Variants in GABRB1 observed in about 807,000 individuals in gnomAD.
The protein encoded by GABRB1 is gamma-aminobutyric acid receptor subunit beta-1.
Under a neutral mutation model 51.6 loss-of-function variants are expected in GABRB1, and 17 were observed. The observed-to-expected ratio is 0.33, with a 90% CI of 0.23 to 0.49. The LOEUF is 0.49. GABRB1 is among the 20% of genes least tolerant of loss of function. The probability of loss-of-function intolerance (pLI) is 0.99; values close to 1 mark genes in which losing one functional copy is unlikely to be tolerated. For missense variants in GABRB1, 410 were observed against 600.6 expected, an observed-to-expected ratio of 0.68 and a Z score of 3.32; for synonymous variants, 247 against 218.9, an observed-to-expected ratio of 1.13 and a Z score of -1.14.
chr4:47,106,398 CTAA>C (rs913859807), intron 3 of GABRB1, among the ~76,000 whole-genome samples: 3 of 151,796 alleles, frequency 2.0e-5, no homozygotes, highest in Non-Finnish European at 4.4e-5. Flanking sequence ...GCTTATGGAA[CTAA>C]TGTTATTGGA....
intron 4 of GABRB1, among the ~76,000 whole-genome samples, chr4:47,242,003 A>G (rs1263912811): frequency 6.6e-6 from 1 of 152,028 alleles, no homozygotes; most frequent in Admixed American, 6.6e-5. Flanking sequence ...GGTCATTTAC[A>G]TTAGGTATAT....
chr4:47,177,392 A>G (rs1042138572), intron 4 of GABRB1, among the ~76,000 whole-genome samples: 8 of 152,040 alleles, frequency 5.3e-5, no homozygotes, highest in Non-Finnish European at 1.2e-4. Flanking sequence ...CAGAAATATA[A>G]CTCACCTGAA....
chr4:47,131,266 C>A (rs1716401210), intron 3 of GABRB1, among the ~76,000 whole-genome samples: 1 of 152,012 alleles, frequency 6.6e-6, no homozygotes, highest in Non-Finnish European at 1.5e-5. Context: ...TCAAGCGATT[C>A]TCCTGCTTCA....
intron 4 of GABRB1, among the ~76,000 whole-genome samples, chr4:47,214,255 C>T (rs894233328): frequency 5.9e-5 from 9 of 152,156 alleles, no homozygotes; most frequent in African/African-American, 1.4e-4. Context: ...ATGTTTACCA[C>T]GGGTGGTGGG....
At chr4:47,207,517 T>C (rs993987209) in intron 4 of GABRB1, among the ~76,000 whole-genome samples, 1 of 152,078 alleles carries the variant, frequency 6.6e-6, no homozygotes, top group African/African-American at 2.4e-5. Context: ...ACAGTTCTCG[T>C]ACTCTTAACC....
chr4:47,079,020 T>A (rs1727702194), intron 3 of GABRB1, among the ~76,000 whole-genome samples: 1 of 152,212 alleles, frequency 6.6e-6, no homozygotes, highest in Non-Finnish European at 1.5e-5. Context: ...TTGCCAGTAT[T>A]TTCTTGAGGA....
chr4:47,093,808 T>C (rs1714255756), intron 3 of GABRB1, among the ~76,000 whole-genome samples: 1 of 152,328 alleles, frequency 6.6e-6, no homozygotes. Context: ...TCTCTTAAGA[T>C]ACAAGTTGAG....
chr4:47,162,570 G>A (rs1298807243), intron 4 of GABRB1, among the ~76,000 whole-genome samples: 2 of 151,994 alleles, frequency 1.3e-5, no homozygotes, highest in African/African-American at 2.4e-5. Context: ...TACAAAGGAA[G>A]GAAAATATTT....
intron 8 of GABRB1, among the ~76,000 whole-genome samples, chr4:47,422,636 T>G (rs1470678042): frequency 6.6e-6 from 1 of 152,206 alleles, no homozygotes; most frequent in East Asian, 1.9e-4. Flanking sequence ...AGTTTCTCTG[T>G]GTCTCTTTCA....
rs541986748 is a variant in GABRB1, at chr4:47,249,866, G to A, written c.462-70261G>A. ...TGAAGGCAGCAGATAGTAGATTGGT[G>A]AGTTCTTATCCATTCTGTGGTTCTG... On this transcript the variant is annotated intron_variant, in intron 4 of 8. Transcript: ENST00000295454. Among the ~76,000 whole-genome samples the A allele has an allele frequency of 2.6e-5, 4 of 152,260 alleles. No individual in the cohort carries two copies. In the East Asian group the frequency reaches 7.7e-4, roughly 29 times the overall value.
chr4:47,032,462 A>G lies in GABRB1; in HGVS notation c.218A>G (p.Asp73Gly), dbSNP rs1725363429. ...VGMRIDVASI[D>G]MVSEVNMDYT... ...ATGCGGATCGATGTCGCCAGCATAGACATGGTCTCCGAAGTGAATATGGTG... is the reference window on the plus strand; with the variant it reads ...ATGCGGATCGATGTCGCCAGCATAGGCATGGTCTCCGAAGTGAATATGGTG... Residue 73 changes from aspartate (D) to glycine (G), a missense_variant, in exon 3 of 9, where the codon GAC becomes GGC. By Grantham distance (94) the Asp-to-Gly change is moderately conservative. Around this residue, in one of 5 missense-constraint regions of GABRB1, gnomAD observed 100 missense variants for 184.3 expected, o/e 0.54. Transcript: ENST00000295454. 1 of 1,611,962 alleles carries G rather than the reference A, an allele frequency of 6.2e-7. No homozygotes were observed. The highest frequency in any genetic ancestry group is 1.3e-5 in the African/African-American group (1 of 74,906).
chr4:47,054,828 A>G (rs1211263443), intron 3 of GABRB1, among the ~76,000 whole-genome samples: 3 of 152,112 alleles, frequency 2.0e-5, no homozygotes, highest in African/African-American at 7.2e-5. Context: ...CAGGTAATCC[A>G]TCCACCTCAG....
chr4:47,210,286 C>G (rs998636954), intron 4 of GABRB1, among the ~76,000 whole-genome samples: 5 of 152,090 alleles, frequency 3.3e-5, no homozygotes, highest in African/African-American at 1.2e-4. Flanking sequence ...AATCTTATAG[C>G]TTATACACTC....
intron 4 of GABRB1, among the ~76,000 whole-genome samples, chr4:47,311,858 A>T (rs771775467): frequency 3.3e-5 from 5 of 152,076 alleles, no homozygotes; most frequent in Non-Finnish European, 7.4e-5. Context: ...CCCGCAATCC[A>T]TTATTTGTGG....
intron 8 of GABRB1, among the ~76,000 whole-genome samples, chr4:47,423,573 A>T (rs1437349781): frequency 6.6e-6 from 1 of 152,230 alleles, no homozygotes; most frequent in Non-Finnish European, 1.5e-5. Flanking sequence ...CACAGTAAGC[A>T]CTCAATAAAT....
At chr4:47,057,810 G>A (rs568950771) in intron 3 of GABRB1, among the ~76,000 whole-genome samples, 11 of 152,258 alleles carry the variant, frequency 7.2e-5, no homozygotes, top group African/African-American at 2.4e-4. Context: ...TCCAATCACC[G>A]ACATGGAATA....
chr4:47,298,642 T>C (rs1416960125), intron 4 of GABRB1, among the ~76,000 whole-genome samples: 1 of 152,078 alleles, frequency 6.6e-6, no homozygotes, highest in Non-Finnish European at 1.5e-5. Context: ...AGAATCAATA[T>C]CGTAAAAATG....
At chr4:47,251,680 G>A (rs1358799152) in intron 4 of GABRB1, among the ~76,000 whole-genome samples, 2 of 152,158 alleles carry the variant, frequency 1.3e-5, no homozygotes, top group South Asian at 2.1e-4. Flanking sequence ...CAGGGGTACA[G>A]GAAGCAACAG....
chr4:47,072,398 A>G (rs2109548277), intron 3 of GABRB1, among the ~76,000 whole-genome samples: 1 of 152,326 alleles, frequency 6.6e-6, no homozygotes, highest in African/African-American at 2.4e-5. Flanking sequence ...CAGGTTATAT[A>G]TTCAAGCCAA....
Sources: gnomAD v4.1 joint callset for allele counts (sites outside exome capture counted in the v4.1 genomes callset) on GRCh38, gnomAD v4.1.1 for gene constraint, gnomAD v4.1.1 regional missense constraint, MANE v1.5 for transcripts, NCBI Gene and HGNC (gene_info 2026-07-23, HGNC 2026-07-21) for gene names.